Variants in DRC8 observed in about 807,000 individuals in gnomAD.
DRC8 encodes the protein dynein regulatory complex protein 8.
chr1:245,084,058 T>TCCCC, the DRC8 span, among the ~76,000 whole-genome samples: 3 of 30,102 alleles, frequency 1.0e-4, no homozygotes, highest in African/African-American at 1.7e-4. Context: ...AATATAAAAA[T>TCCCC]TCCGCCCCCC....
At chr1:245,081,450 C>T in the DRC8 span, among the ~76,000 whole-genome samples, 7 of 151,890 alleles carry the variant, frequency 4.6e-5, no homozygotes, top group East Asian at 1.9e-4. Flanking sequence ...CGTGAGCCAT[C>T]GCACCCGGCA....
the DRC8 span, chr1:245,082,101 A>G: frequency 2.5e-6 from 4 of 1,611,828 alleles, no homozygotes; most frequent in African/African-American, 4.0e-5. Context: ...AGAAGAACCC[A>G]CTGGATACAT....
At chr1:245,062,228 C>G in the DRC8 span, among the ~76,000 whole-genome samples, 1 of 152,192 alleles carries the variant, frequency 6.6e-6, no homozygotes, top group Non-Finnish European at 1.5e-5. Flanking sequence ...TTATAACTTT[C>G]AGCCCTTTGC....
At chr1:245,000,169 C>A in the DRC8 span, among the ~76,000 whole-genome samples, 2 of 152,154 alleles carry the variant, frequency 1.3e-5, no homozygotes, top group African/African-American at 4.8e-5. Flanking sequence ...ATACTAATAA[C>A]TAATGATAAA....
the DRC8 span, among the ~76,000 whole-genome samples, chr1:244,972,682 G>A: frequency 6.6e-6 from 1 of 152,074 alleles, no homozygotes; most frequent in African/African-American, 2.4e-5. Flanking sequence ...GCTGGGCGTG[G>A]TGGCACGCCC....
At chr1:245,001,601 C>T in the DRC8 span, among the ~76,000 whole-genome samples, 2 of 152,152 alleles carry the variant, frequency 1.3e-5, no homozygotes, top group Non-Finnish European at 2.9e-5. Context: ...GGGAGGTTTT[C>T]CTGTGTCTTG....
chr1:244,978,509 A>G, the DRC8 span, among the ~76,000 whole-genome samples: 5 of 141,916 alleles, frequency 3.5e-5, no homozygotes, highest in East Asian at 1.1e-3. Flanking sequence ...AAAAAAAAAG[A>G]GACGAGGTCT....
At chr1:244,999,011 A>G in the DRC8 span, among the ~76,000 whole-genome samples, 45 of 146,302 alleles carry the variant, frequency 3.1e-4, no homozygotes, top group Non-Finnish European at 5.8e-4. Flanking sequence ...CCAATATTAT[A>G]CATAATAGGA....
the DRC8 span, among the ~76,000 whole-genome samples, chr1:244,974,882 C>T: frequency 6.6e-6 from 1 of 151,822 alleles, no homozygotes; most frequent in African/African-American, 2.4e-5. Flanking sequence ...TTTGTAGAGA[C>T]AGGGTTTCAC....
chr1:245,059,402 A>C, the DRC8 span: 1 of 1,611,512 alleles, frequency 6.2e-7, no homozygotes, highest in East Asian at 2.2e-5. Context: ...TGGAACAATT[A>C]TCAGGTCATT....
the DRC8 span, chr1:244,969,687 T>A: frequency 5.9e-6 from 1 of 168,480 alleles, no homozygotes; most frequent in Non-Finnish European, 1.3e-5. Context: ...CAGCTATTCC[T>A]CTCCTCTAGC....
chr1:245,003,703 C>T, the DRC8 span, among the ~76,000 whole-genome samples: 1 of 152,192 alleles, frequency 6.6e-6, no homozygotes, highest in Admixed American at 6.5e-5. Flanking sequence ...GATCCTTCCA[C>T]CTCAGCCTCC....
At chr1:245,031,084 T>C in the DRC8 span, among the ~76,000 whole-genome samples, 12,061 of 152,180 alleles carry the variant, frequency 0.079, 1,318 homozygotes, top group African/African-American at 0.24. Flanking sequence ...GCTCATCTGA[T>C]ATAGTTACCC....
At chr1:245,083,038 G>A in the DRC8 span, among the ~76,000 whole-genome samples, 141,334 of 152,118 alleles carry the variant, frequency 0.93, 66,289 homozygotes, top group Non-Finnish European at 1. Flanking sequence ...CATTTATTAC[G>A]GGGATCCCCA....
the DRC8 span, among the ~76,000 whole-genome samples, chr1:245,088,207 C>T: frequency 4.6e-5 from 7 of 152,030 alleles, no homozygotes; most frequent in East Asian, 1.9e-4. The surrounding 1 kb of genome is among the most constrained non-coding windows in gnomAD (Gnocchi z 4.6). Flanking sequence ...CAATTCTCTC[C>T]GATCTTGGCA....
the DRC8 span, among the ~76,000 whole-genome samples, chr1:245,095,870 T>C: frequency 5.3e-5 from 8 of 152,050 alleles, no homozygotes; most frequent in Non-Finnish European, 1.2e-4. Flanking sequence ...AGTCTTTTGC[T>C]AATGTGTTTT....
chr1:245,005,838 G>A, the DRC8 span, among the ~76,000 whole-genome samples: 1 of 152,186 alleles, frequency 6.6e-6, no homozygotes, highest in Non-Finnish European at 1.5e-5. Flanking sequence ...CCTTCAAAAG[G>A]TCAGTTACTC....
At chr1:245,079,448 G>T in the DRC8 span, among the ~76,000 whole-genome samples, 1 of 152,232 alleles carries the variant, frequency 6.6e-6, no homozygotes, top group African/African-American at 2.4e-5. Flanking sequence ...CATCTATTAG[G>T]CAAGAAAGAT....
chr1:245,061,045 C>G, the DRC8 span, among the ~76,000 whole-genome samples: 1 of 152,156 alleles, frequency 6.6e-6, no homozygotes, highest in Non-Finnish European at 1.5e-5. Context: ...AAAAGGTTGC[C>G]AACTCCTGAT....
Sources: gnomAD v4.1 joint callset for allele counts (sites outside exome capture counted in the v4.1 genomes callset) on GRCh38, gnomAD v4.1.1 for gene constraint, Gnocchi (gnomAD v3.1) non-coding constraint, MANE v1.5 for transcripts, NCBI Gene and HGNC (gene_info 2026-07-23, HGNC 2026-07-21) for gene names.